Variants in AIG1 observed in about 807,000 individuals in gnomAD.
The protein encoded by AIG1 is androgen-induced gene 1 protein.
AIG1 carries 23 observed loss-of-function variants against 31.4 expected under a neutral mutation model. The observed-to-expected ratio is 0.73, with a 90% CI of 0.53 to 1.04. The LOEUF (loss-of-function observed/expected upper bound fraction) is 1.04, where lower values mean the gene tolerates loss of function less well. Ranked by LOEUF, AIG1 falls within the 50% of genes least tolerant of loss-of-function variation. The pLI is 0.00. For synonymous variants in AIG1, 100 were observed against 110.5 expected, an observed-to-expected ratio of 0.90 and a Z score of 0.60; for missense variants, 274 against 295.0, an observed-to-expected ratio of 0.93 and a Z score of 0.52.
intron 1 of AIG1, among the ~76,000 whole-genome samples, chr6:143,113,809 C>G (rs1185343814): frequency 6.6e-6 from 1 of 151,772 alleles, no homozygotes; most frequent in Non-Finnish European, 1.5e-5. Flanking sequence ...GAGTCTCCCT[C>G]CGTCACCCAG....
At chr6:143,229,925 C>G (rs535762624) in intron 3 of AIG1, among the ~76,000 whole-genome samples, 4 of 151,894 alleles carry the variant, frequency 2.6e-5, no homozygotes, top group African/African-American at 9.7e-5. Flanking sequence ...ACATCAGATT[C>G]GATGGGACAT....
At chr6:143,081,951 T>C (rs1484269163) in intron 1 of AIG1, among the ~76,000 whole-genome samples, 1 of 152,034 alleles carries the variant, frequency 6.6e-6, no homozygotes, top group Non-Finnish European at 1.5e-5. Flanking sequence ...TTCCCTATAT[T>C]TCCCTTTCCT....
intron 3 of AIG1, among the ~76,000 whole-genome samples, chr6:143,278,274 TC>T (rs1797083851): frequency 6.6e-6 from 1 of 152,284 alleles, no homozygotes; most frequent in South Asian, 2.1e-4. Context: ...AATAATCTAT[TC>T]CAGTATACCC....
At chr6:143,167,988 A>G (rs557648551) in intron 3 of AIG1, among the ~76,000 whole-genome samples, 1 of 152,226 alleles carries the variant, frequency 6.6e-6, no homozygotes, top group African/African-American at 2.4e-5. Context: ...CTGTGCAACT[A>G]TAGATACAAA....
chr6:143,159,142 G>A (rs1329004698), intron 2 of AIG1, among the ~76,000 whole-genome samples: 1 of 152,230 alleles, frequency 6.6e-6, no homozygotes, highest in Non-Finnish European at 1.5e-5. Flanking sequence ...CCAGCCATGT[G>A]AAAGGAGGGG....
rs529465086 is a variant in AIG1, at chr6:143,291,632, A to C, written c.515+7407A>C. On this transcript the variant is annotated intron_variant, in intron 4 of 5. Coordinates refer to ENST00000357847, the MANE Select transcript of AIG1 (RefSeq NM_016108.4). The surrounding 1 kb of genome is among the most constrained non-coding windows in gnomAD (Gnocchi z 4.2). ...CCATTTCCCCCGCCAGAAAGGAAAGAGGCATCTCAGAACCAGTCCACGTCC... is the reference window on the plus strand; with the variant it reads ...CCATTTCCCCCGCCAGAAAGGAAAGCGGCATCTCAGAACCAGTCCACGTCC... Among the ~76,000 whole-genome samples, 4 of 152,312 alleles carry C rather than the reference A, an allele frequency of 2.6e-5. No individual in the cohort carries two copies. In the South Asian group the frequency reaches 8.3e-4, roughly 32 times the overall value.
intron 3 of AIG1, among the ~76,000 whole-genome samples, chr6:143,252,335 G>A (rs992424290): frequency 1.3e-5 from 2 of 152,032 alleles, no homozygotes; most frequent in Non-Finnish European, 2.9e-5. Context: ...TGGCCAGGCT[G>A]GTCTCAAACT....
intron 3 of AIG1, among the ~76,000 whole-genome samples, chr6:143,196,353 A>ACACGCG (rs891458723): frequency 8.8e-4 from 22 of 25,078 alleles, no homozygotes; most frequent in African/African-American, 3.3e-3. Context: ...CAAAAGCAAC[A>ACACGCG]CACACACACA....
At chr6:143,138,011 C>T (rs1783909079) in intron 2 of AIG1, among the ~76,000 whole-genome samples, 1 of 152,132 alleles carries the variant, frequency 6.6e-6, no homozygotes, top group Non-Finnish European at 1.5e-5. Context: ...GGTAGAAGGC[C>T]CTACATGCTT....
intron 3 of AIG1, chr6:143,187,715 C>A: frequency 1.3e-6 from 2 of 1,535,974 alleles, no homozygotes; most frequent in South Asian, 2.4e-5. Context: ...AAAGCTTGCT[C>A]CAGCAATGAC....
intron 3 of AIG1, among the ~76,000 whole-genome samples, chr6:143,264,426 T>G (rs979299395): frequency 3.3e-5 from 5 of 152,316 alleles, no homozygotes; most frequent in Admixed American, 3.3e-4. Context: ...ATTCTCTTTT[T>G]GTCCCCCACT....
At chr6:143,116,919 A>G (rs1203744968) in intron 1 of AIG1, among the ~76,000 whole-genome samples, 2 of 151,850 alleles carry the variant, frequency 1.3e-5, no homozygotes, top group Non-Finnish European at 2.9e-5. Flanking sequence ...CCTTGATTCC[A>G]TGGGCAGCCT....
chr6:143,105,360 T>C (rs1057359370), intron 1 of AIG1, among the ~76,000 whole-genome samples: 1 of 152,088 alleles, frequency 6.6e-6, no homozygotes, highest in South Asian at 2.1e-4. Flanking sequence ...CCCATGAGAG[T>C]GAGCCAGTAG....
intron 3 of AIG1, among the ~76,000 whole-genome samples, chr6:143,180,186 A>G (rs1788588600): frequency 6.6e-6 from 1 of 152,208 alleles, no homozygotes; most frequent in South Asian, 2.1e-4. Flanking sequence ...CAACATGTGG[A>G]CCTGGACTTT....
chr6:143,342,365 A>G, downstream of AIG1: 4 of 675,436 alleles, frequency 5.9e-6, no homozygotes, highest in Non-Finnish European at 1.1e-5. Flanking sequence ...AGCTGCTTAG[A>G]CGCAGGTTTA....
At position 143,334,150 on chromosome 6, in the gene AIG1, C is replaced by T. The variant is rs1777299593; in HGVS notation, c.679+705C>T. ...CCTGTCCAAAGTGTATGTACAATAA[C>T]ATAAAAATTGAAAGGTGGAAAAAGC... On this transcript the variant is annotated intron_variant, in intron 5 of 5. Coordinates refer to ENST00000357847, the MANE Select transcript of AIG1 (RefSeq NM_016108.4). This position sits in a 1 kb window ranked among gnomAD's most constrained non-coding sequence, Gnocchi z 5.1. 1.3e-6 allele frequency: 2 copies of T among 1,517,264 alleles called. No individual in the cohort carries two copies. The highest frequency in any genetic ancestry group is 2.1e-5 in the Admixed American group (1 of 48,376). The allele number at this position is 1,517,264 out of a possible 1,614,324, so 94.0% of individuals were successfully genotyped here.
Position 143,333,460 on chromosome 6 carries a change from A to G in AIG1, c.679+15A>G, listed in dbSNP as rs1777242831. Reference sequence around the variant, plus strand: ...TACACAGAAAAGTAAGTATTGTCTGAGGGAACATAAAACAAGAGAATTACT... The same window carrying G: ...TACACAGAAAAGTAAGTATTGTCTGGGGGAACATAAAACAAGAGAATTACT... On this transcript the variant is annotated intron_variant, in intron 5 of 5. Coordinates refer to ENST00000357847, the MANE Select transcript of AIG1 (RefSeq NM_016108.4). The surrounding 1 kb of genome is among the most constrained non-coding windows in gnomAD (Gnocchi z 4.6). 6.2e-7 allele frequency: 1 copy of G among 1,610,164 alleles called. No homozygotes were observed. Among genetic ancestry groups the G allele is most frequent in the Admixed American group, 1.7e-5 (1 of 58,956 alleles).
chr6:143,270,114 A>G (rs150900301), intron 3 of AIG1, among the ~76,000 whole-genome samples: 6 of 152,328 alleles, frequency 3.9e-5, no homozygotes, highest in Non-Finnish European at 8.8e-5. Flanking sequence ...CCAGTACTGC[A>G]GACTCCTATA....
chr6:143,165,576 C>T (rs1267322431), intron 3 of AIG1, among the ~76,000 whole-genome samples: 1 of 152,206 alleles, frequency 6.6e-6, no homozygotes, highest in East Asian at 1.9e-4. Flanking sequence ...CTCACATCGT[C>T]TGGATTTTGT....
Sources: allele counts gnomAD v4.1 joint callset (sites outside exome capture counted in the v4.1 genomes callset), GRCh38; gene constraint gnomAD v4.1.1; non-coding constraint Gnocchi (gnomAD v3.1); transcripts MANE v1.5; gene names NCBI Gene and HGNC (gene_info 2026-07-23, HGNC 2026-07-21).